Variants in PCK1 observed in about 807,000 individuals in gnomAD.
PCK1 encodes phosphoenolpyruvate carboxykinase, cytosolic [GTP].
Under a neutral mutation model 50.3 loss-of-function variants are expected in PCK1, and 44 were observed. The ratio of observed to expected loss-of-function variants is 0.87; its 90% CI spans 0.69 to 1.12. The LOEUF is 1.12. PCK1 is among the 50% of genes most tolerant of loss of function. PCK1 has a pLI of 0.00. For synonymous variants in PCK1, 332 were observed against 314.3 expected, an observed-to-expected ratio of 1.06 and a Z score of -0.59; for missense variants, 790 against 815.0, an observed-to-expected ratio of 0.97 and a Z score of 0.37.
In PCK1 at chr20:57,565,504, C is replaced by A. The variant is rs750949565; in HGVS notation, c.1569C>A (p.Gly523=). ...ACTGGTTCCGGAAGGACAAGGAAGG[C>A]AAATTCCTCTGGCCAGGCTTTGGAG... ...HVNWFRKDKE[G]KFLWPGFGEN... Residue 523 remains glycine, a synonymous_variant, in exon 10 of 10, where the codon GGC becomes GGA. Coordinates refer to ENST00000319441, the MANE Select transcript of PCK1 (RefSeq NM_002591.4). The A allele has an allele frequency of 9.3e-6, 15 of 1,614,200 alleles. No individual in the cohort carries two copies. Among genetic ancestry groups the A allele is most frequent in the Middle Eastern group, 1.6e-4 (1 of 6,062 alleles).
chr20:57,565,760 G>T lies in PCK1; in HGVS notation c.1825G>T (p.Glu609Ter), dbSNP rs17847705. 3 of 1,613,092 alleles carry T rather than the reference G, an allele frequency of 1.9e-6. No homozygotes were observed. The highest frequency in any genetic ancestry group is 2.5e-6 in the Non-Finnish European group (3 of 1,179,692). The change falls in exon 10 of 10, where the codon GAG becomes TAG. Residue 609 changes from glutamate to a stop codon, truncating the protein, a stop_gained. Transcript: ENST00000319441. LOFTEE classifies it high-confidence loss of function. ...QVNADLPCEI[E>*]REILALKQRI... ...CAATGCCGACCTCCCCTGTGAAATC[G>T]AGAGAGAGATCCTTGCCTTGAAGCA...
intron 5 of PCK1, 24 bp from the exon 6 acceptor site, chr20:57,563,541 A>T (rs2070172777): frequency 1.3e-6 from 2 of 1,540,968 alleles, no homozygotes; most frequent in African/African-American, 1.4e-5. Flanking sequence ...CAAAGATCAC[A>T]ATAAAGAATC....
At position 57,567,387 on chromosome 20, in the gene PCK1, C is replaced by T. The variant is rs537025312; in HGVS notation, c.*1583C>T. On this transcript the variant is annotated 3_prime_UTR_variant, in exon 10 of 10. Transcript: ENST00000319441. Reference sequence around the variant, plus strand: ...GTCAAGCTAGGAGCGTCCAGCGGGGCTGAGAAATTGCCAGGATTTCCTTCC... The same window carrying T: ...GTCAAGCTAGGAGCGTCCAGCGGGGTTGAGAAATTGCCAGGATTTCCTTCC... 1.8e-4 allele frequency: 27 copies of T among 152,340 alleles called. No individual in the cohort carries two copies. The highest frequency in any genetic ancestry group is 6.0e-4 in the African/African-American group (25 of 41,592). The allele number at this position is 152,340 out of a possible 1,614,324, so 9.4% of individuals were successfully genotyped here. A position where few individuals can be genotyped will look rare whatever the true frequency, so the allele number is the denominator to read the frequency against.
In PCK1 at chr20:57,566,596, G is replaced by C. The variant is rs1405417171; in HGVS notation, c.*792G>C. 2 of 152,330 alleles carry C rather than the reference G, an allele frequency of 1.3e-5. No individual in the cohort carries two copies. Among genetic ancestry groups the C allele is most frequent in the East Asian group, 1.9e-4 (1 of 5,184 alleles). 9.4% of individuals were successfully genotyped at this position (152,330 alleles called of 1,614,324 possible). A position where few individuals can be genotyped will look rare whatever the true frequency, so the allele number is the denominator to read the frequency against. On this transcript the variant is annotated 3_prime_UTR_variant, in exon 10 of 10. Coordinates refer to ENST00000319441, the MANE Select transcript of PCK1 (RefSeq NM_002591.4). ...ATCACACTTGAAGAGGGGGTGCATT[G>C]CCTGGTCCCAGGGAGAAGGAGGGAG...
rs551189933 is a variant in PCK1, at chr20:57,566,628, G to C, written c.*824G>C. 1.3e-5 allele frequency: 2 copies of C among 152,328 alleles called. No homozygotes were observed. The highest frequency in any genetic ancestry group is 4.8e-5 in the African/African-American group (2 of 41,530). 9.4% of individuals were successfully genotyped at this position (152,328 alleles called of 1,614,324 possible). On this transcript the variant is annotated 3_prime_UTR_variant, in exon 10 of 10. Coordinates refer to ENST00000319441, the MANE Select transcript of PCK1 (RefSeq NM_002591.4). ...CCCAGGGAGAAGGAGGGAGCAGATG[G>C]GGAGGAATGAGGCAGGGAACCATGG...
At chr20:57,564,678 A>G in intron 8 of PCK1, 65 bp downstream of exon 8, 1 of 1,409,712 alleles carries the variant, frequency 7.1e-7, no homozygotes, top group East Asian at 2.3e-5. Flanking sequence ...CATCTGTGAA[A>G]TCTCTCCTTT....
chr20:57,564,151 T>C lies in PCK1; in HGVS notation c.962-18T>C. ...TGCCTGGCACTCACTACTGCTTCTCTGGTTTAAAACTCTCCAGGTCATTTA... is the reference window on the plus strand; with the variant it reads ...TGCCTGGCACTCACTACTGCTTCTCCGGTTTAAAACTCTCCAGGTCATTTA... On this transcript the variant is annotated intron_variant, in intron 6 of 9. Transcript: ENST00000319441. The C allele has an allele frequency of 6.4e-7, 1 of 1,570,450 alleles. No homozygotes were observed. Among genetic ancestry groups the C allele is most frequent in the Non-Finnish European group, 8.8e-7 (1 of 1,142,092 alleles).
chr20:57,563,417 C>T (rs2070171468), intron 5 of PCK1, 148 bp from the exon 6 acceptor site: 9 of 692,858 alleles, frequency 1.3e-5, no homozygotes, highest in Non-Finnish European at 1.9e-5. Flanking sequence ...CATAGAGATC[C>T]TTTGGACTTC....
At position 57,565,707 on chromosome 20, in the gene PCK1, A is replaced by G. The variant is rs893130686; in HGVS notation, c.1772A>G (p.Asp591Gly). ...GAATTCTGGGAGAAGGAGGTGGAAG[A>G]CATCGAGAAGTATCTGGAGGATCAA... is the stretch of plus-strand genomic sequence containing the variant. ...SKEFWEKEVE[D>G]IEKYLEDQVN... Residue 591 changes from aspartate to glycine, a missense_variant, in exon 10 of 10, where the codon GAC becomes GGC. Physicochemically the swap from Asp to Gly is moderately conservative, Grantham distance 94. Transcript: ENST00000319441. 3 of 1,613,748 alleles carry G rather than the reference A, an allele frequency of 1.9e-6. No individual in the cohort carries two copies. The highest frequency in any genetic ancestry group is 1.7e-6 in the Non-Finnish European group (2 of 1,180,006).
In PCK1 at chr20:57,565,948, T is replaced by C. The variant is rs933354979; in HGVS notation, c.*144T>C. 6 of 616,666 alleles carry C rather than the reference T, an allele frequency of 9.7e-6. No homozygotes were observed. The highest frequency in any genetic ancestry group is 1.7e-5 in the Non-Finnish European group (6 of 363,142). The allele number at this position is 616,666 out of a possible 1,614,324, so 38.2% of individuals were successfully genotyped here. ...GTGAGCAGATCTGAAAGGCACACTT[T>C]GATTTTTTTAAGGATAAGAACCACA... On this transcript the variant is annotated 3_prime_UTR_variant, in exon 10 of 10. Transcript: ENST00000319441.
chr20:57,562,408 T>A (rs1250648392), intron 3 of PCK1, 156 bp downstream of exon 3: 3 of 679,560 alleles, frequency 4.4e-6, no homozygotes, highest in East Asian at 5.4e-5. Flanking sequence ...AAAATGCACA[T>A]CCCTCTTCTG....
chr20:57,564,129 C>G (rs182626261), intron 6 of PCK1, 40 bp from the exon 7 acceptor site: 1 of 1,338,424 alleles, frequency 7.5e-7, no homozygotes, highest in East Asian at 2.3e-5. Context: ...TCTGCTTTGC[C>G]TGGCACTCAC....
At chr20:57,563,506 A>G in intron 5 of PCK1, 59 bp from the exon 6 acceptor site, 2 of 1,259,658 alleles carry the variant, frequency 1.6e-6, no homozygotes, top group Non-Finnish European at 2.3e-6. Flanking sequence ...TCTGGGCTGA[A>G]GTACCAACCT....
chr20:57,562,445 T>A (rs990910829), intron 3 of PCK1, 193 bp downstream of exon 3: 13 of 634,520 alleles, frequency 2.0e-5, no homozygotes, highest in East Asian at 5.5e-5. Context: ...TATACAAACG[T>A]GAAAACTAGT....
In PCK1 at chr20:57,567,636, C is replaced by G. The variant is rs1052763189; in HGVS notation, c.*1832C>G. On this transcript the variant is annotated 3_prime_UTR_variant, in exon 10 of 10. Coordinates refer to ENST00000319441, the MANE Select transcript of PCK1 (RefSeq NM_002591.4). ...GGAGACAGAGCCCAAGGCAGCCCAC[C>G]TGAAGCTGGGGAGGGAGTCCAAAGT... 6.6e-6 allele frequency: 1 copy of G among 152,296 alleles called. No homozygotes were observed. The allele number at this position is 152,296 out of a possible 1,614,324, so 9.4% of individuals were successfully genotyped here.
At position 57,565,962 on chromosome 20, in the gene PCK1, A is replaced by G; in HGVS notation, c.*158A>G. 2 of 595,370 alleles carry G rather than the reference A, an allele frequency of 3.4e-6. No individual in the cohort carries two copies. The highest frequency in any genetic ancestry group is 5.8e-6 in the Non-Finnish European group (2 of 343,888). The allele number at this position is 595,370 out of a possible 1,614,324, so 36.9% of individuals were successfully genotyped here. A position where few individuals can be genotyped will look rare whatever the true frequency, so the allele number is the denominator to read the frequency against. ...AAGGCACACTTTGATTTTTTTAAGGATAAGAACCACAGAACACTGGGTAGT... is the reference window on the plus strand; with the variant it reads ...AAGGCACACTTTGATTTTTTTAAGGGTAAGAACCACAGAACACTGGGTAGT... On this transcript the variant is annotated 3_prime_UTR_variant, in exon 10 of 10. Coordinates refer to ENST00000319441, the MANE Select transcript of PCK1 (RefSeq NM_002591.4).
At position 57,565,751 on chromosome 20, in the gene PCK1, T is replaced by G. The variant is rs200272426; in HGVS notation, c.1816T>G (p.Cys606Gly). Residue 606 changes from cysteine (C) to glycine (G), a missense_variant, in exon 10 of 10, where the codon TGT becomes GGT. Physicochemically the swap from Cys to Gly is radical, Grantham distance 159 (BLOSUM62 -3). Coordinates refer to ENST00000319441, the MANE Select transcript of PCK1 (RefSeq NM_002591.4). Reference sequence around the variant, plus strand: ...GGATCAAGTCAATGCCGACCTCCCCTGTGAAATCGAGAGAGAGATCCTTGC... The same window carrying G: ...GGATCAAGTCAATGCCGACCTCCCCGGTGAAATCGAGAGAGAGATCCTTGC... ...LEDQVNADLP[C>G]EIEREILALK... 85 of 1,613,418 alleles carry G rather than the reference T, an allele frequency of 5.3e-5. No individual in the cohort carries two copies. The highest frequency in any genetic ancestry group is 1.5e-4 in the Admixed American group (9 of 59,988).
In PCK1 at chr20:57,561,461, A is replaced by G; in HGVS notation, c.50A>G (p.Gln17Arg). 3 of 1,613,874 alleles carry G rather than the reference A, an allele frequency of 1.9e-6. No homozygotes were observed. The highest frequency in any genetic ancestry group is 2.5e-6 in the Non-Finnish European group (3 of 1,179,988). The change falls in exon 2 of 10, where the codon CAG becomes CGG. Residue 17 changes from glutamine to arginine, a missense_variant. Gln to Arg is a conservative substitution (Grantham distance 43, BLOSUM62 1). Transcript: ENST00000319441. The stretch of plus-strand genomic sequence containing the variant: ...CTGAACCTCTCGGCCAAAGTTGTCC[A>G]GGGAAGCCTGGACAGCCTACCCCAG... ...NGLNLSAKVVQGSLDSLPQAV... is the reference protein window; with the variant it reads ...NGLNLSAKVVRGSLDSLPQAV...
chr20:57,562,151 C>G lies in PCK1; in HGVS notation c.305C>G (p.Thr102Arg), dbSNP rs2070151049. 1.2e-6 allele frequency: 2 copies of G among 1,613,964 alleles called. No homozygotes were observed. The highest frequency in any genetic ancestry group is 1.7e-6 in the Non-Finnish European group (2 of 1,179,928). ...TVIVTQEQRD[T>R]VPIPKTGLSQ... Reference sequence around the variant, plus strand: ...ATCGTCACCCAAGAGCAAAGAGACACAGTGCCCATCCCCAAAACAGGCCTC... The same window carrying G: ...ATCGTCACCCAAGAGCAAAGAGACAGAGTGCCCATCCCCAAAACAGGCCTC... The change falls in exon 3 of 10, where the codon ACA becomes AGA. Residue 102 changes from threonine (T) to arginine (R), a missense_variant. Coordinates refer to ENST00000319441, the MANE Select transcript of PCK1 (RefSeq NM_002591.4).
Sources: allele counts gnomAD v4.1 joint callset, GRCh38; gene constraint gnomAD v4.1.1; transcripts MANE v1.5; gene names NCBI Gene and HGNC (gene_info 2026-07-23, HGNC 2026-07-21).